The following BMPR1B variants were observed in gnomAD, a reference collection of about 807,000 sequenced individuals.
The protein encoded by BMPR1B is bone morphogenetic protein receptor type-1B.
In BMPR1B, 12 loss-of-function variants were observed where a neutral mutation model predicts 59.1. That is an observed-to-expected ratio of 0.20 (90% confidence interval 0.13 to 0.33). The LOEUF (loss-of-function observed/expected upper bound fraction) is 0.33. BMPR1B is among the 10% of genes least tolerant of loss of function. BMPR1B has a pLI of 1.00. For missense variants in BMPR1B, 550 were observed against 610.9 expected (o/e 0.90, Z 1.05); for synonymous variants, 237 against 207.3 (o/e 1.14, Z -1.23).
At chr4:95,045,032 T>C (rs1221501645) in intron 3 of BMPR1B, among the ~76,000 whole-genome samples, 1 of 152,208 alleles carries the variant, frequency 6.6e-6, no homozygotes, top group Non-Finnish European at 1.5e-5. Flanking sequence ...GCAAAGCTCT[T>C]GGTAGGACCT....
rs1211841542 is a variant in BMPR1B at position 95,120,667 on chromosome 4, TTC to T, written c.350-3141_350-3140del. 5.4e-3 allele frequency among the ~76,000 whole-genome samples: 336 copies of T among 62,682 alleles called. 2 individuals carry two copies. Among genetic ancestry groups the T allele is most frequent in the African/African-American group, 0.015 (291 of 19,196 alleles). The allele number at this position is 62,682 out of a possible 152,430, so 41.1% of individuals were successfully genotyped here. On this transcript the variant is annotated intron_variant, in intron 6 of 12. Coordinates refer to ENST00000515059, the MANE Select transcript of BMPR1B (RefSeq NM_001203.3). ...CTTCCTTCCTTTCCTTCCTTCCTTC[TTC>T]TTTCTTTTCTTTTCTTTCTTTCTTT... is the stretch of plus-strand genomic sequence containing the variant.
At chr4:94,948,620 T>A (rs941791856) in intron 2 of BMPR1B, among the ~76,000 whole-genome samples, 3 of 152,212 alleles carry the variant, frequency 2.0e-5, no homozygotes, top group African/African-American at 7.2e-5. Flanking sequence ...GTCCTTTTTT[T>A]AAAGAAGGAC....
At chr4:94,930,511 T>C (rs1729058173) in intron 2 of BMPR1B, among the ~76,000 whole-genome samples, 1 of 152,154 alleles carries the variant, frequency 6.6e-6, no homozygotes, top group Non-Finnish European at 1.5e-5. Flanking sequence ...GTAGGAACTG[T>C]GACTTTTTTC....
intron 2 of BMPR1B, among the ~76,000 whole-genome samples, chr4:94,944,218 C>G (rs2149047081): frequency 6.6e-6 from 1 of 152,174 alleles, no homozygotes; most frequent in African/African-American, 2.4e-5. Flanking sequence ...CTTCTGGTCT[C>G]AAGTGTTTGG....
intron 2 of BMPR1B, among the ~76,000 whole-genome samples, chr4:94,991,377 T>C (rs2149098187): frequency 6.6e-6 from 1 of 152,334 alleles, no homozygotes; most frequent in African/African-American, 2.4e-5. Context: ...TATTGTGCAT[T>C]CATTATGTAG....
chr4:94,823,472 C>A (rs1370774791), intron 1 of BMPR1B, among the ~76,000 whole-genome samples: 1 of 152,070 alleles, frequency 6.6e-6, no homozygotes, highest in East Asian at 1.9e-4. Flanking sequence ...GGGAGCTGTG[C>A]CCTCATTTTG....
At chr4:95,024,277 A>G (rs553711707) in intron 3 of BMPR1B, among the ~76,000 whole-genome samples, 53 of 152,316 alleles carry the variant, frequency 3.5e-4, no homozygotes, top group African/African-American at 1.3e-3. Context: ...CTCTTTGATG[A>G]TGAGAAATTA....
At chr4:95,084,445 C>A (rs989471385) in intron 3 of BMPR1B, among the ~76,000 whole-genome samples, 2 of 151,672 alleles carry the variant, frequency 1.3e-5, no homozygotes, top group African/African-American at 4.8e-5. Flanking sequence ...TTATTTTTAT[C>A]CCTCTATAAT....
intron 3 of BMPR1B, among the ~76,000 whole-genome samples, chr4:95,023,630 T>G (rs1308609862): frequency 1.3e-5 from 2 of 152,044 alleles, no homozygotes; most frequent in African/African-American, 2.4e-5. Flanking sequence ...CAAGCAATCC[T>G]CCTGATTTAG....
rs79331609 is a variant in BMPR1B, at chr4:95,012,135, T to C, written c.-18+16001T>C. Among the ~76,000 whole-genome samples the C allele has an allele frequency of 1.8e-3, 275 of 152,340 alleles. 4 individuals carry two copies. The East Asian group carries it at 0.033, about 18-fold the overall frequency. On this transcript the variant is annotated intron_variant, in intron 3 of 12. Coordinates refer to ENST00000515059, the MANE Select transcript of BMPR1B (RefSeq NM_001203.3). ...CTACTTAAGATATTGATGGAACTAT[T>C]TTATAGATAAGTAGGAAAAATGGAC...
At chr4:94,899,489 C>CAT (rs985171407) in intron 2 of BMPR1B, among the ~76,000 whole-genome samples, 2 of 148,584 alleles carry the variant, frequency 1.3e-5, no homozygotes, top group South Asian at 4.2e-4. Flanking sequence ...ATATATAAAT[C>CAT]ATATATATAT....
At chr4:94,823,981 T>C (rs1313275858) in intron 1 of BMPR1B, among the ~76,000 whole-genome samples, 3 of 152,080 alleles carry the variant, frequency 2.0e-5, no homozygotes, top group Admixed American at 2.0e-4. Context: ...CTCCTGACCT[T>C]GCGATCCACC....
intron 1 of BMPR1B, among the ~76,000 whole-genome samples, chr4:94,796,879 G>A (rs1035736855): frequency 1.3e-5 from 2 of 152,190 alleles, no homozygotes; most frequent in African/African-American, 4.8e-5. Context: ...TTATAGTCAG[G>A]TATAATAGAG....
In BMPR1B at chr4:95,131,405, A is replaced by G; in HGVS notation, c.969A>G (p.Gln323=). 1 of 1,614,082 alleles carries G rather than the reference A, an allele frequency of 6.2e-7. No homozygotes were observed. Among genetic ancestry groups the G allele is most frequent in the Non-Finnish European group, 8.5e-7 (1 of 1,179,994 alleles). The change falls in exon 10 of 13, where the codon CAA becomes CAG. Residue 323 remains glutamine (Q), a synonymous_variant. Transcript: ENST00000515059. ...TACACACAGAAATCTTTAGTACTCA[A>G]GGCAAACCAGCAATTGCCCATCGAG... ...CHLHTEIFST[Q]GKPAIAHRDL... is the part of the protein sequence containing the mutation.
rs1578822483 is a variant in BMPR1B at position 94,936,355 on chromosome 4, C to T, written c.-112-59685C>T. On this transcript the variant is annotated intron_variant, in intron 2 of 12. Transcript: ENST00000515059. ...GGAGCAACTAGAGAAGGGAAGAAGT[C>T]AAATGGTGTAGTGGCCAAATAGGAT... Among the ~76,000 whole-genome samples the T allele has an allele frequency of 2.0e-5, 3 of 152,138 alleles. No individual in the cohort carries two copies. The South Asian group carries it at 6.2e-4, about 32-fold the overall frequency.
chr4:94,978,280 C>A (rs955253980), intron 2 of BMPR1B, among the ~76,000 whole-genome samples: 1 of 152,166 alleles, frequency 6.6e-6, no homozygotes, highest in African/African-American at 2.4e-5. Flanking sequence ...TTTAAGGTTT[C>A]TGTGGGCCAG....
At chr4:94,881,425 C>T (rs17022440) in intron 2 of BMPR1B, among the ~76,000 whole-genome samples, 6,565 of 151,894 alleles carry the variant, frequency 0.043, 322 homozygotes, top group African/African-American at 0.12. Flanking sequence ...AATTTGGCAA[C>T]GAGAGGAGCT....
intron 2 of BMPR1B, among the ~76,000 whole-genome samples, chr4:94,947,731 G>A (rs548866998): frequency 2.2e-4 from 33 of 152,300 alleles, no homozygotes; most frequent in African/African-American, 7.5e-4. Flanking sequence ...ATTTACTTAC[G>A]TATTGTCTGG....
At chr4:94,958,298 T>C (rs1315831715) in intron 2 of BMPR1B, among the ~76,000 whole-genome samples, 1 of 152,212 alleles carries the variant, frequency 6.6e-6, no homozygotes, top group Non-Finnish European at 1.5e-5. Context: ...TTGTATATAC[T>C]GTCTGGGCAT....
Sources: allele counts gnomAD v4.1 joint callset (sites outside exome capture counted in the v4.1 genomes callset), GRCh38; gene constraint gnomAD v4.1.1; transcripts MANE v1.5; gene names NCBI Gene and HGNC (gene_info 2026-07-23, HGNC 2026-07-21).